The following DPH6 variants were observed in gnomAD, a reference collection of about 807,000 sequenced individuals.
The protein encoded by DPH6 is diphthamine biosynthesis 6.
DPH6 carries 33 observed loss-of-function variants against 38.2 expected under a neutral mutation model. That is an observed-to-expected ratio of 0.86 (90% CI 0.65 to 1.15). The LOEUF (loss-of-function observed/expected upper bound fraction) is 1.15. DPH6 is among the 50% of genes most tolerant of loss of function. DPH6 has a pLI of 0.00. For synonymous variants in DPH6, 108 were observed against 103.0 expected (o/e 1.05, Z -0.30); for missense variants, 325 against 320.0 (o/e 1.02, Z -0.12).
At chr15:35,324,563 A>T (rs908576869) in intron 3 of DPH6, among the ~76,000 whole-genome samples, 1 of 152,150 alleles carries the variant, frequency 6.6e-6, no homozygotes, top group African/African-American at 2.4e-5. Context: ...TCTTCGAAAG[A>T]CAGCTCTTAT....
At chr15:35,167,401 T>C in the DPH6 span, among the ~76,000 whole-genome samples, 1 of 151,644 alleles carries the variant, frequency 6.6e-6, no homozygotes, top group Non-Finnish European at 1.5e-5. Context: ...AGATTATCAG[T>C]TGTTTTCAAA....
intron 3 of DPH6, among the ~76,000 whole-genome samples, chr15:35,265,306 C>A (rs950106897): frequency 2.0e-5 from 3 of 152,114 alleles, no homozygotes; most frequent in Non-Finnish European, 4.4e-5. Context: ...TTCAGCCCGG[C>A]CACAAAAAGC....
chr15:35,272,812 C>T (rs556136905), intron 3 of DPH6, among the ~76,000 whole-genome samples: 1 of 151,998 alleles, frequency 6.6e-6, no homozygotes, highest in African/African-American at 2.4e-5. Flanking sequence ...GAGGCTGAGG[C>T]AGGAGAATCG....
chr15:35,151,348 GTCTT>G, the DPH6 span, among the ~76,000 whole-genome samples: 1 of 152,210 alleles, frequency 6.6e-6, no homozygotes, highest in East Asian at 1.9e-4. Context: ...TGGACTGAGA[GTCTT>G]TATTTTTAAC....
At chr15:35,382,873 C>A (rs892621191) in intron 6 of DPH6, among the ~76,000 whole-genome samples, 6 of 151,626 alleles carry the variant, frequency 4.0e-5, no homozygotes, top group Admixed American at 1.3e-4. Context: ...AACCAAGCAG[C>A]AAAACACAAA....
chr15:35,521,126 G>A, intron 3 of DPH6: 4 of 985,236 alleles, frequency 4.1e-6, no homozygotes, highest in Non-Finnish European at 4.8e-6. Flanking sequence ...CAATGCTAAA[G>A]TGGCTAGTAC....
chr15:35,188,353 T>G, the DPH6 span, among the ~76,000 whole-genome samples: 1 of 152,132 alleles, frequency 6.6e-6, no homozygotes, highest in African/African-American at 2.4e-5. Flanking sequence ...GTAAACCCAC[T>G]GTGCATGCTC....
chr15:35,487,136 T>C (rs2054413723), intron 3 of DPH6, among the ~76,000 whole-genome samples: 1 of 152,196 alleles, frequency 6.6e-6, no homozygotes, highest in South Asian at 2.1e-4. Context: ...GCAGCTGCTT[T>C]CATGGGCTGG....
At chr15:35,473,969 C>T (rs913926596) in intron 3 of DPH6, among the ~76,000 whole-genome samples, 7 of 147,664 alleles carry the variant, frequency 4.7e-5, no homozygotes, top group Non-Finnish European at 7.4e-5. Flanking sequence ...CGCGCGCGCG[C>T]GTGAGCTTTT....
At chr15:35,332,992 TC>T (rs1405185849) in intron 3 of DPH6, among the ~76,000 whole-genome samples, 2 of 151,958 alleles carry the variant, frequency 1.3e-5, no homozygotes, top group African/African-American at 2.4e-5. Flanking sequence ...CTCATACAGT[TC>T]ACTTCAAATG....
chr15:35,545,962 A>C (rs981871150), intron 1 of DPH6, among the ~76,000 whole-genome samples, 157 bp downstream of exon 1: 6 of 152,170 alleles, frequency 3.9e-5, no homozygotes, highest in Admixed American at 2.6e-4. Context: ...GCGGGCCGGC[A>C]ACAGCGAAGG....
At chr15:35,163,731 C>T in the DPH6 span, among the ~76,000 whole-genome samples, 1 of 151,852 alleles carries the variant, frequency 6.6e-6, no homozygotes, top group African/African-American at 2.4e-5. Flanking sequence ...CATGAGATTG[C>T]ACATCACTAC....
intron 5 of DPH6, among the ~76,000 whole-genome samples, chr15:35,434,789 T>C (rs781602654): frequency 8.5e-5 from 13 of 152,196 alleles, no homozygotes; most frequent in Non-Finnish European, 1.8e-4. Context: ...TGTTTTCTTT[T>C]TGAGACAGAG....
intron 5 of DPH6, among the ~76,000 whole-genome samples, chr15:35,423,021 T>A (rs932312055): frequency 6.6e-6 from 1 of 151,880 alleles, no homozygotes; most frequent in Non-Finnish European, 1.5e-5. Context: ...AAAATAAACA[T>A]GTGAGTGCAG....
intron 2 of DPH6, among the ~76,000 whole-genome samples, chr15:35,541,665 T>C (rs1005952486): frequency 5.3e-5 from 8 of 152,120 alleles, no homozygotes; most frequent in African/African-American, 1.9e-4. Flanking sequence ...GAAGCAGTAA[T>C]ACAAAAGTCA....
chr15:35,323,196 C>T (rs548056217), intron 3 of DPH6, among the ~76,000 whole-genome samples: 73 of 152,068 alleles, frequency 4.8e-4, no homozygotes, highest in African/African-American at 1.7e-3. Context: ...CTGAACAGGG[C>T]ATTAAAAAAT....
intron 3 of DPH6, among the ~76,000 whole-genome samples, chr15:35,258,723 A>G (rs567560377): frequency 3.9e-5 from 6 of 152,242 alleles, no homozygotes; most frequent in Non-Finnish European, 5.9e-5. Flanking sequence ...TTTATCCTTT[A>G]TAAAGTTTCC....
At chr15:35,294,742 T>C (rs189965732) in intron 3 of DPH6, among the ~76,000 whole-genome samples, 1 of 152,138 alleles carries the variant, frequency 6.6e-6, no homozygotes, top group East Asian at 1.9e-4. Context: ...ATCCCACAGA[T>C]AGATATAAAA....
intron 3 of DPH6, among the ~76,000 whole-genome samples, chr15:35,267,605 A>ATGTTTAGGCC (rs1438671168): frequency 2.0e-5 from 3 of 152,184 alleles, no homozygotes; most frequent in Non-Finnish European, 4.4e-5. Flanking sequence ...TGGAGAAGCT[A>ATGTTTAGGCC]TGTTTAGGCC....
Sources: allele counts gnomAD v4.1 joint callset (sites outside exome capture counted in the v4.1 genomes callset), GRCh38; gene constraint gnomAD v4.1.1; transcripts MANE v1.5; gene names NCBI Gene and HGNC (gene_info 2026-07-23, HGNC 2026-07-21).